SNX30: variants seen among roughly 807,000 people sequenced by gnomAD.
SNX30 encodes sorting nexin family member 30.
In SNX30, 24 loss-of-function variants were observed where a neutral mutation model predicts 46.4. The ratio of observed to expected loss-of-function variants is 0.52; its 90% CI spans 0.37 to 0.73. The LOEUF (loss-of-function observed/expected upper bound fraction) is 0.73, where lower values mean the gene tolerates loss of function less well. Among genes scored for constraint, SNX30 ranks in the 30% least tolerant of loss-of-function variants. SNX30 has a pLI of 0.00. For synonymous variants in SNX30, 189 were observed against 211.5 expected (o/e 0.89, Z 0.92); for missense variants, 533 against 555.7 (o/e 0.96, Z 0.41).
At chr9:112,875,755 C>A (rs1841510129), downstream of SNX30, 1 of 152,156 alleles carries the variant, frequency 6.6e-6, no homozygotes, top group African/African-American at 2.4e-5. Flanking sequence ...TTAAGGATAA[C>A]AATCCTTCAT....
chr9:112,834,177 G>A (rs1339804089), intron 4 of SNX30, among the ~76,000 whole-genome samples: 2 of 151,690 alleles, frequency 1.3e-5, no homozygotes, highest in African/African-American at 2.4e-5. Context: ...GGGTGGGGGC[G>A]AGATTTTCCC....
At chr9:112,876,878 G>C (rs920015317), downstream of SNX30, among the ~76,000 whole-genome samples, 4 of 150,976 alleles carry the variant, frequency 2.6e-5, no homozygotes, top group Non-Finnish European at 2.9e-5. Context: ...GGAGGTTGCA[G>C]TGAGCTGCGA....
rs146457692 is a variant in SNX30 at position 112,778,500 on chromosome 9, G to T, written c.157-26276G>T. Among the ~76,000 whole-genome samples, 48 of 152,266 alleles carry T rather than the reference G, an allele frequency of 3.2e-4. 1 individual carries two copies. The East Asian group carries it at 8.1e-3, about 26-fold the overall frequency. Reference sequence around the variant, plus strand: ...TTGGCCAGGCTGGTCGCGAACTCCTGACCTTAGGTGATCCGCCAGCCTCGG... The same window carrying T: ...TTGGCCAGGCTGGTCGCGAACTCCTTACCTTAGGTGATCCGCCAGCCTCGG... On this transcript the variant is annotated intron_variant, in intron 1 of 8. Coordinates refer to ENST00000374232, the MANE Select transcript of SNX30 (RefSeq NM_001012994.2).
intron 7 of SNX30, among the ~76,000 whole-genome samples, chr9:112,859,078 C>G (rs1219048985): frequency 6.6e-6 from 1 of 152,116 alleles, no homozygotes; most frequent in African/African-American, 2.4e-5. Context: ...ACCCATTAAA[C>G]AACTCTCCAT....
chr9:112,858,599 T>G (rs1247401206), intron 7 of SNX30, among the ~76,000 whole-genome samples: 3 of 152,188 alleles, frequency 2.0e-5, no homozygotes, highest in African/African-American at 7.2e-5. Context: ...ATCCAAAAAA[T>G]CAAAGGTGGA....
chr9:112,780,408 AAGAG>A (rs1397554754), intron 1 of SNX30, among the ~76,000 whole-genome samples: 1 of 152,240 alleles, frequency 6.6e-6, no homozygotes, highest in Admixed American at 6.5e-5. Flanking sequence ...ACGGTTAAAA[AAGAG>A]AGAAAGAAAG....
rs746367571 is a variant in SNX30 at position 112,751,150 on chromosome 9, G to C, written c.149G>C (p.Gly50Ala). 2 of 1,516,844 alleles carry C rather than the reference G, an allele frequency of 1.3e-6. No homozygotes were observed. Among genetic ancestry groups the C allele is most frequent in the South Asian group, 2.5e-5 (2 of 80,542 alleles). The allele number at this position is 1,516,844 out of a possible 1,614,324, so 94.0% of individuals were successfully genotyped here. A position where few individuals can be genotyped will look rare whatever the true frequency, so the allele number is the denominator to read the frequency against. ...GACCTGCTGATGGCCCGCAGCTTCG[G>C]TGACAAGGTGGGGCGCCTGGGGCCG... ...SPDLLMARSF[G>A]DKDLILPNGG... The change falls in exon 1 of 9, where the codon GGT (glycine) becomes GCT (alanine). Residue 50 changes from glycine to alanine, a missense_variant. Physicochemically the swap from Gly to Ala is moderately conservative, Grantham distance 60. Coordinates refer to ENST00000374232, the MANE Select transcript of SNX30 (RefSeq NM_001012994.2).
intron 7 of SNX30, 81 bp downstream of exon 7, chr9:112,851,026 A>G (rs1588138257): frequency 5.4e-6 from 6 of 1,117,676 alleles, no homozygotes; most frequent in East Asian, 4.8e-5. Flanking sequence ...CTAGATCTGT[A>G]TGACTAAGAG....
chr9:112,775,542 TTGTG>T (rs199600863), intron 1 of SNX30, among the ~76,000 whole-genome samples: 3,327 of 131,370 alleles, frequency 0.025, 54 homozygotes, highest in South Asian at 0.035. Flanking sequence ...TATTTTAAAT[TTGTG>T]TGTGTGTGTG....
chr9:112,778,734 C>T (rs1839791590), intron 1 of SNX30, among the ~76,000 whole-genome samples: 1 of 152,216 alleles, frequency 6.6e-6, no homozygotes, highest in Non-Finnish European at 1.5e-5. Context: ...ATACCAACTG[C>T]CACAGATACC....
At position 112,751,038 on chromosome 9, in the gene SNX30, G is replaced by A. The variant is rs1439588413; in HGVS notation, c.37G>A (p.Gly13Arg). Residue 13 changes from glycine to arginine, a missense_variant, in exon 1 of 9, where the codon GGG (glycine) becomes AGG (arginine). Coordinates refer to ENST00000374232, the MANE Select transcript of SNX30 (RefSeq NM_001012994.2). ...GGPPKALPSTGPHSLRDMPHP... is the reference protein window; with the variant it reads ...GGPPKALPSTRPHSLRDMPHP... ...GCCCCCCAAGGCCCTGCCGTCCACG[G>A]GGCCCCACTCCCTGCGCGACATGCC... 1.4e-6 allele frequency: 2 copies of A among 1,463,434 alleles called. No homozygotes were observed. Among genetic ancestry groups the A allele is most frequent in the Non-Finnish European group, 1.8e-6 (2 of 1,110,638 alleles). 90.7% of individuals were successfully genotyped at this position (1,463,434 alleles called of 1,614,324 possible).
rs369714820 is a variant in SNX30, at chr9:112,751,172, G to C, written c.156+15G>C. ...TCGGTGACAAGGTGGGGCGCCTGGG[G>C]CCGGGGAGTGGGAGGCTTATTTCGC... On this transcript the variant is annotated intron_variant, in intron 1 of 8. Transcript: ENST00000374232. 3.4e-6 allele frequency: 5 copies of C among 1,486,690 alleles called. No homozygotes were observed. The African/African-American group carries it at 5.7e-5, about 17-fold the overall frequency. 92.1% of individuals were successfully genotyped at this position (1,486,690 alleles called of 1,614,324 possible).
rs1214822126 is a variant in SNX30, at chr9:112,871,404, T to G, written c.*2561T>G. ...TCTGAGGGCCAGCAGTCCCAACCAT[T>G]TGCCTCTTCGTTTTGACCAAGCACA... On this transcript the variant is annotated 3_prime_UTR_variant, in exon 9 of 9. Coordinates refer to ENST00000374232, the MANE Select transcript of SNX30 (RefSeq NM_001012994.2). 1 of 151,978 alleles carries G rather than the reference T, an allele frequency of 6.6e-6. No homozygotes were observed. The highest frequency in any genetic ancestry group is 1.5e-5 in the Non-Finnish European group (1 of 67,988). 9.4% of individuals were successfully genotyped at this position (151,978 alleles called of 1,614,324 possible).
chr9:112,817,162 CTA>C (rs1474106241), intron 2 of SNX30, among the ~76,000 whole-genome samples: 2 of 152,000 alleles, frequency 1.3e-5, no homozygotes, highest in East Asian at 3.9e-4. Flanking sequence ...GAGCAGTGAT[CTA>C]TTATCTTTAC....
chr9:112,825,712 C>G (rs550640262), intron 3 of SNX30, among the ~76,000 whole-genome samples: 1 of 152,184 alleles, frequency 6.6e-6, no homozygotes, highest in African/African-American at 2.4e-5. Context: ...AAATACTTGG[C>G]ATTTGTTAGA....
intron 7 of SNX30, among the ~76,000 whole-genome samples, chr9:112,851,586 G>A (rs1429298898): frequency 1.3e-5 from 2 of 152,218 alleles, no homozygotes; most frequent in Non-Finnish European, 2.9e-5. Context: ...TAACTGCTCG[G>A]TAGGTTCACC....
At chr9:112,832,873 A>G (rs1476663368) in intron 4 of SNX30, among the ~76,000 whole-genome samples, 1 of 147,662 alleles carries the variant, frequency 6.8e-6, no homozygotes, top group Non-Finnish European at 1.5e-5. Flanking sequence ...TAATATATAT[A>G]AAATATCTAT....
intron 1 of SNX30, among the ~76,000 whole-genome samples, chr9:112,753,245 A>G (rs193148399): frequency 6.6e-6 from 1 of 152,324 alleles, no homozygotes; most frequent in East Asian, 1.9e-4. Context: ...ACTAATAAGC[A>G]CTTGGAAGAC....
At chr9:112,828,180 A>T (rs1840605614) in intron 3 of SNX30, among the ~76,000 whole-genome samples, 1 of 152,264 alleles carries the variant, frequency 6.6e-6, no homozygotes, top group Non-Finnish European at 1.5e-5. Flanking sequence ...ACAGGTGTGT[A>T]CTGCATAGTG....
Sources: gnomAD v4.1 joint callset for allele counts (sites outside exome capture counted in the v4.1 genomes callset) on GRCh38, gnomAD v4.1.1 for gene constraint, MANE v1.5 for transcripts, NCBI Gene and HGNC (gene_info 2026-07-23, HGNC 2026-07-21) for gene names.